The following LMX1A variants were observed in gnomAD, a reference collection of about 807,000 sequenced individuals.
LMX1A encodes the protein LIM homeobox transcription factor 1 alpha, also known as LIM homeobox transcription factor 1-alpha.
A neutral mutation model predicts 49.1 loss-of-function variants in LMX1A; 15 were observed. That is an observed-to-expected ratio of 0.31 (90% CI 0.20 to 0.47). The LOEUF is 0.47. LMX1A is among the 20% of genes least tolerant of loss of function. The pLI is 1.00. For synonymous variants in LMX1A, 167 were observed against 185.7 expected, an observed-to-expected ratio of 0.90 and a Z score of 0.82; for missense variants, 372 against 475.8, an observed-to-expected ratio of 0.78 and a Z score of 2.03.
chr1:165,345,745 T>A (rs1390804212), intron 3 of LMX1A, among the ~76,000 whole-genome samples: 2 of 152,154 alleles, frequency 1.3e-5, no homozygotes, highest in Non-Finnish European at 2.9e-5. Context: ...AAAGGCTAAT[T>A]AGGCCAGGTG....
intron 4 of LMX1A, among the ~76,000 whole-genome samples, chr1:165,223,060 T>G (rs1223823469): frequency 1.3e-5 from 2 of 151,964 alleles, no homozygotes; most frequent in South Asian, 2.1e-4. Flanking sequence ...TGCTCTAAAA[T>G]TGACTGTGAT....
At chr1:165,319,109 C>T (rs1252116290) in intron 3 of LMX1A, among the ~76,000 whole-genome samples, 1 of 151,398 alleles carries the variant, frequency 6.6e-6, no homozygotes, top group Admixed American at 6.6e-5. Context: ...AAACCTACAG[C>T]CAACATTATA....
intron 3 of LMX1A, among the ~76,000 whole-genome samples, chr1:165,287,441 CG>C: frequency 6.6e-6 from 1 of 152,156 alleles, no homozygotes; most frequent in Non-Finnish European, 1.5e-5. Context: ...AAAAGGGAGG[CG>C]GTGACAAGAC....
Position 165,294,722 on chromosome 1 carries a change from G to A in LMX1A, c.264-45082C>T, listed in dbSNP as rs554629206. On this transcript the variant is annotated intron_variant, in intron 3 of 8. Transcript: ENST00000342310. ...CTCATGCCTGTAATCCCAGCGCTTCGGGAGGCCGAGGCAGGCGGATCACTT... is the reference window on the plus strand; with the variant it reads ...CTCATGCCTGTAATCCCAGCGCTTCAGGAGGCCGAGGCAGGCGGATCACTT... Among the ~76,000 whole-genome samples the A allele has an allele frequency of 4.4e-4, 67 of 152,298 alleles. 1 individual carries two copies. The South Asian group carries it at 0.011, about 26-fold the overall frequency.
chr1:165,330,747 T>C (rs1655722389), intron 3 of LMX1A, among the ~76,000 whole-genome samples: 1 of 152,142 alleles, frequency 6.6e-6, no homozygotes, highest in Admixed American at 6.5e-5. Context: ...TCTTACTGAC[T>C]AGAACAACCA....
At chr1:165,275,354 C>T (rs1333907991) in intron 3 of LMX1A, among the ~76,000 whole-genome samples, 2 of 152,196 alleles carry the variant, frequency 1.3e-5, no homozygotes, top group Non-Finnish European at 2.9e-5. Flanking sequence ...AACAACACTC[C>T]CCAATAAGCA....
intron 4 of LMX1A, among the ~76,000 whole-genome samples, chr1:165,223,684 T>C (rs577603790): frequency 1.4e-4 from 21 of 152,318 alleles, no homozygotes; most frequent in South Asian, 4.1e-4. Context: ...AGCACGTGTT[T>C]GTCTATCTCA....
At chr1:165,336,327 C>G (rs10082152) in intron 3 of LMX1A, among the ~76,000 whole-genome samples, 84,262 of 151,908 alleles carry the variant, frequency 0.55, 24,473 homozygotes, top group East Asian at 0.76. Context: ...GATCACTAAC[C>G]TTTAATCATT....
intron 5 of LMX1A, among the ~76,000 whole-genome samples, chr1:165,211,947 G>C (rs904597988): frequency 6.6e-6 from 1 of 152,126 alleles, no homozygotes; most frequent in Non-Finnish European, 1.5e-5. Flanking sequence ...GCTGCCCGGG[G>C]ACAAGCACCC....
intron 4 of LMX1A, among the ~76,000 whole-genome samples, chr1:165,229,122 A>C (rs1652152163): frequency 6.6e-6 from 1 of 152,160 alleles, no homozygotes; most frequent in African/African-American, 2.4e-5. Context: ...TGGACCACCA[A>C]GAAATGAAAA....
chr1:165,240,998 C>A (rs1652629814), intron 4 of LMX1A, among the ~76,000 whole-genome samples: 1 of 152,154 alleles, frequency 6.6e-6, no homozygotes, highest in Non-Finnish European at 1.5e-5. Context: ...TTGATAAATC[C>A]TTCCCATTCT....
chr1:165,220,276 G>GAA (rs1017516325), intron 4 of LMX1A, among the ~76,000 whole-genome samples: 1 of 147,728 alleles, frequency 6.8e-6, no homozygotes, highest in East Asian at 2.0e-4. Flanking sequence ...AGTAAAAACT[G>GAA]AAAAAAAAAA....
chr1:165,222,021 A>G (rs1014637980), intron 4 of LMX1A, among the ~76,000 whole-genome samples: 1 of 150,964 alleles, frequency 6.6e-6, no homozygotes, highest in African/African-American at 2.4e-5. Flanking sequence ...TCTCTCTCCT[A>G]TCTAATAAAA....
At chr1:165,339,371 G>C (rs1655998415) in intron 3 of LMX1A, among the ~76,000 whole-genome samples, 1 of 152,228 alleles carries the variant, frequency 6.6e-6, no homozygotes, top group African/African-American at 2.4e-5. Flanking sequence ...CATAGGCACA[G>C]CTGACTGGTT....
At chr1:165,345,076 A>G (rs868828030) in intron 3 of LMX1A, among the ~76,000 whole-genome samples, 2 of 152,364 alleles carry the variant, frequency 1.3e-5, no homozygotes, top group East Asian at 3.9e-4. Context: ...TAAGAATGAA[A>G]ATATGGTTTG....
intron 2 of LMX1A, among the ~76,000 whole-genome samples, chr1:165,353,574 A>G (rs1656499635): frequency 6.6e-6 from 1 of 152,242 alleles, no homozygotes; most frequent in Admixed American, 6.5e-5. Flanking sequence ...AGATTAAATT[A>G]CATACAAATT....
At position 165,355,970 on chromosome 1, in the gene LMX1A, A is replaced by C. The variant is rs1656595972; in HGVS notation, c.-23+385T>G. On this transcript the variant is annotated intron_variant, in intron 1 of 8. Transcript: ENST00000342310. This position sits in a 1 kb window ranked among gnomAD's most constrained non-coding sequence, Gnocchi z 4.7. ...ACGCAGCTACTGGGGTATATTGGGT[A>C]TATAAAGAGTGGGTACCCTCCCTCG... The C allele has an allele frequency of 5.5e-6, 1 of 182,152 alleles. No homozygotes were observed. Among genetic ancestry groups the C allele is most frequent in the Non-Finnish European group, 1.1e-5 (1 of 87,192 alleles). The allele number at this position is 182,152 out of a possible 1,614,324, so 11.3% of individuals were successfully genotyped here. A position where few individuals can be genotyped will look rare whatever the true frequency, so the allele number is the denominator to read the frequency against.
intron 8 of LMX1A, among the ~76,000 whole-genome samples, chr1:165,204,644 C>T (rs1004853162): frequency 2.0e-5 from 3 of 152,218 alleles, no homozygotes; most frequent in South Asian, 2.1e-4. Flanking sequence ...AAAGAATGTT[C>T]TGCCTCTGCT....
At position 165,353,124 on chromosome 1, in the gene LMX1A, G is replaced by A; in HGVS notation, c.215C>T (p.Thr72Ile). ...CASCKEPLET[T>I]CFYRDKKLYC... ...CAGCTTCTTGTCCCGGTAGAAGCAG[G>A]TGGTCTCCAGGGGCTCTTTGCAGGA... The change falls in exon 3 of 9, where the codon ACC becomes ATC. Residue 72 changes from threonine to isoleucine, a missense_variant. Coordinates refer to ENST00000342310, the MANE Select transcript of LMX1A (RefSeq NM_177398.4). 12 of 1,614,244 alleles carry A rather than the reference G, an allele frequency of 7.4e-6. No individual in the cohort carries two copies. The highest frequency in any genetic ancestry group is 1.3e-5 in the African/African-American group (1 of 75,072).
Sources: allele counts gnomAD v4.1 joint callset (sites outside exome capture counted in the v4.1 genomes callset), GRCh38; gene constraint gnomAD v4.1.1; non-coding constraint Gnocchi (gnomAD v3.1); transcripts MANE v1.5; gene names NCBI Gene and HGNC (gene_info 2026-07-23, HGNC 2026-07-21).